MAF: variants seen among roughly 807,000 people sequenced by gnomAD.
MAF encodes the protein transcription factor Maf.
In MAF, 10 loss-of-function variants were observed where a neutral mutation model predicts 22.0. The ratio of observed to expected loss-of-function variants is 0.45; its 90% CI spans 0.28 to 0.77. MAF has a LOEUF of 0.77. Ranked by LOEUF, MAF falls within the 30% of genes least tolerant of loss-of-function variation. The probability of loss-of-function intolerance (pLI) is 0.12; values close to 1 mark genes in which losing one functional copy is unlikely to be tolerated. For missense variants in MAF, 544 were observed against 548.4 expected, an observed-to-expected ratio of 0.99 and a Z score of 0.08; for synonymous variants, 337 against 255.8, an observed-to-expected ratio of 1.32 and a Z score of -3.03.
chr16:79,391,536 C>G, the MAF span, among the ~76,000 whole-genome samples: 1 of 152,118 alleles, frequency 6.6e-6, no homozygotes, highest in Admixed American at 6.5e-5. Context: ...GAGGGGCAGA[C>G]TTCTCAAATA....
chr16:79,571,325 C>G, the MAF span, among the ~76,000 whole-genome samples: 1 of 151,964 alleles, frequency 6.6e-6, no homozygotes, highest in East Asian at 1.9e-4. Flanking sequence ...ATCCCAGATA[C>G]ACTTTCATTT....
downstream of MAF, among the ~76,000 whole-genome samples, chr16:79,589,168 A>C (rs1336081597): frequency 6.6e-6 from 1 of 152,184 alleles, no homozygotes; most frequent in Non-Finnish European, 1.5e-5. Context: ...CCCTCTAAGA[A>C]AAAGGCCCCT....
At chr16:79,494,574 T>A in the MAF span, among the ~76,000 whole-genome samples, 3 of 152,162 alleles carry the variant, frequency 2.0e-5, no homozygotes, top group Non-Finnish European at 4.4e-5. Flanking sequence ...TCAAGGTCTA[T>A]AACCTCAATC....
the MAF span, among the ~76,000 whole-genome samples, chr16:79,230,143 C>G: frequency 6.6e-6 from 1 of 152,098 alleles, no homozygotes; most frequent in Admixed American, 6.6e-5. Context: ...CAAGCCCTAT[C>G]TTTGAGAAAC....
the MAF span, among the ~76,000 whole-genome samples, chr16:79,420,831 A>T: frequency 1.3e-5 from 2 of 152,130 alleles, no homozygotes; most frequent in African/African-American, 4.8e-5. Context: ...GGAGTTCAAG[A>T]CCAGCCTGTC....
At chr16:79,297,018 T>G in the MAF span, among the ~76,000 whole-genome samples, 1 of 152,234 alleles carries the variant, frequency 6.6e-6, no homozygotes, top group Non-Finnish European at 1.5e-5. Context: ...GTGTCTTTGC[T>G]GCTCTGTGGC....
the MAF span, among the ~76,000 whole-genome samples, chr16:79,330,917 C>G: frequency 6.6e-6 from 1 of 152,212 alleles, no homozygotes; most frequent in Non-Finnish European, 1.5e-5. Flanking sequence ...GCAAAGCCAC[C>G]TTCCTTATTG....
At chr16:79,452,538 A>T in the MAF span, among the ~76,000 whole-genome samples, 3 of 152,188 alleles carry the variant, frequency 2.0e-5, no homozygotes, top group Non-Finnish European at 2.9e-5. Flanking sequence ...ACTCTATAAG[A>T]TGACTTTTTT....
At chr16:79,231,726 G>C in the MAF span, among the ~76,000 whole-genome samples, 20 of 152,222 alleles carry the variant, frequency 1.3e-4, no homozygotes, top group African/African-American at 4.3e-4. Context: ...ACGGAAGACA[G>C]TTTTTCTGTG....
chr16:79,337,100 G>C, the MAF span, among the ~76,000 whole-genome samples: 6 of 152,150 alleles, frequency 3.9e-5, no homozygotes, highest in African/African-American at 1.4e-4. Context: ...TGTGCAATAA[G>C]GGCTAAGGAC....
the MAF span, among the ~76,000 whole-genome samples, chr16:79,496,285 A>T: frequency 3.3e-5 from 5 of 152,170 alleles, no homozygotes; most frequent in Non-Finnish European, 7.3e-5. Flanking sequence ...TGCATTTTGG[A>T]AAAGGGTCAT....
the MAF span, among the ~76,000 whole-genome samples, chr16:79,463,156 T>C: frequency 1.3e-5 from 2 of 152,158 alleles, no homozygotes; most frequent in African/African-American, 4.8e-5. Flanking sequence ...GGCCTGTTTA[T>C]GGAACAGAGA....
At chr16:79,330,292 T>C in the MAF span, among the ~76,000 whole-genome samples, 1 of 152,218 alleles carries the variant, frequency 6.6e-6, no homozygotes, top group East Asian at 1.9e-4. Context: ...ATGTGGTAGA[T>C]ATGTTAAGGA....
chr16:79,395,765 G>T, the MAF span, among the ~76,000 whole-genome samples: 2 of 152,208 alleles, frequency 1.3e-5, no homozygotes, highest in Admixed American at 6.5e-5. Context: ...ATAAATGTGT[G>T]TTGTAAGCTG....
chr16:79,556,843 T>A, the MAF span, among the ~76,000 whole-genome samples: 4 of 151,962 alleles, frequency 2.6e-5, no homozygotes, highest in Non-Finnish European at 1.5e-5. Flanking sequence ...CACCATAGAG[T>A]CATTGTAAGG....
chr16:79,317,428 T>G, the MAF span, among the ~76,000 whole-genome samples: 13 of 134,750 alleles, frequency 9.6e-5, no homozygotes, highest in Non-Finnish European at 1.6e-5. Context: ...CCTTTCTCCC[T>G]TTCTTCCCTC....
the MAF span, among the ~76,000 whole-genome samples, chr16:79,386,517 C>T: frequency 1.3e-5 from 2 of 152,136 alleles, no homozygotes. Flanking sequence ...AAGCTCTGCT[C>T]ACCCACGCAC....
the MAF span, among the ~76,000 whole-genome samples, chr16:79,550,552 T>G: frequency 6.6e-6 from 1 of 152,108 alleles, no homozygotes; most frequent in African/African-American, 2.4e-5. Context: ...CAACAGAAGC[T>G]AGCTGAGCAT....
At chr16:79,376,685 A>G in the MAF span, among the ~76,000 whole-genome samples, 32 of 151,220 alleles carry the variant, frequency 2.1e-4, no homozygotes, top group Admixed American at 5.9e-4. Context: ...TCCTCCCCCC[A>G]CCCTACAACA....
Sources: gnomAD v4.1 joint callset for allele counts (sites outside exome capture counted in the v4.1 genomes callset) on GRCh38, gnomAD v4.1.1 for gene constraint, MANE v1.5 for transcripts, NCBI Gene and HGNC (gene_info 2026-07-23, HGNC 2026-07-21) for gene names.